Variants in DST observed in about 807,000 individuals in gnomAD.
The protein encoded by DST is dystonin.
A neutral mutation model predicts 875.2 loss-of-function variants in DST; 253 were observed. The ratio of observed to expected loss-of-function variants is 0.29; its 90% confidence interval spans 0.26 to 0.32. The LOEUF (loss-of-function observed/expected upper bound fraction) is 0.32, where lower values mean the gene tolerates loss of function less well. Among genes scored for constraint, DST ranks in the 10% least tolerant of loss-of-function variants. The pLI is 1.00. For synonymous variants in DST, 3,124 were observed against 3,197.1 expected, an observed-to-expected ratio of 0.98 and a Z score of 0.77; for missense variants, 8,287 against 9,111.6, an observed-to-expected ratio of 0.91 and a Z score of 3.68.
chr6:56,547,786 T>C (rs1225152181), intron 61 of DST, among the ~76,000 whole-genome samples: 1 of 152,232 alleles, frequency 6.6e-6, no homozygotes, highest in Non-Finnish European at 1.5e-5. Flanking sequence ...GTTTACCGAA[T>C]ATTAAAATAA....
intron 2 of DST, among the ~76,000 whole-genome samples, chr6:56,924,464 A>G (rs1805990280): frequency 6.6e-6 from 1 of 152,206 alleles, no homozygotes; most frequent in South Asian, 2.1e-4. Flanking sequence ...ATGTATATAC[A>G]TACACACACA....
intron 102 of DST, chr6:56,460,566 G>C (rs558213962): frequency 2.3e-5 from 5 of 213,886 alleles, no homozygotes; most frequent in African/African-American, 1.1e-4. Context: ...GAGTATGTTA[G>C]TATCTTTCAG....
At chr6:56,883,092 T>G (rs1782992058) in intron 3 of DST, among the ~76,000 whole-genome samples, 1 of 152,210 alleles carries the variant, frequency 6.6e-6, no homozygotes, top group Admixed American at 6.5e-5. Flanking sequence ...GGTCTCAAAC[T>G]CCTGACCTCA....
chr6:56,507,364 A>T (rs573342070), intron 75 of DST, among the ~76,000 whole-genome samples: 1 of 152,156 alleles, frequency 6.6e-6, no homozygotes, highest in Non-Finnish European at 1.5e-5. Context: ...CAAGCCCTAA[A>T]CCAGGCACTG....
rs1336801645 is a variant in DST, at chr6:56,651,234, T to A, written c.1225A>T (p.Ile409Leu). Residue 409 changes from isoleucine (I) to leucine (L), a missense_variant, in exon 11 of 104, where the codon ATA (isoleucine) becomes TTA (leucine). Coordinates refer to ENST00000680361, the MANE Select transcript of DST (RefSeq NM_001374736.1). ...AIIHKYRPDL[I>L]DMNTVAVQSN... ...TGAACAGCAACAGTATTCATATCTA[T>A]CAGGTCCGGCCTAGGAAAAAATTCA... The A allele has an allele frequency of 6.2e-7, 1 of 1,602,746 alleles. No individual in the cohort carries two copies. Among genetic ancestry groups the A allele is most frequent in the Non-Finnish European group, 8.5e-7 (1 of 1,173,658 alleles).
intron 4 of DST, among the ~76,000 whole-genome samples, chr6:56,840,078 AAGG>A (rs1324128410): frequency 1.3e-5 from 2 of 152,230 alleles, no homozygotes; most frequent in Non-Finnish European, 1.5e-5. Flanking sequence ...TTACATCTAT[AAGG>A]TATAGAATGA....
chr6:56,770,519 T>C (rs2099651580), intron 4 of DST, among the ~76,000 whole-genome samples: 1 of 152,206 alleles, frequency 6.6e-6, no homozygotes, highest in Non-Finnish European at 1.5e-5. Context: ...TTTCATTCCA[T>C]GCATCCACAT....
chr6:56,471,368 A>T, intron 94 of DST, 100 bp from the exon 95 acceptor site: 1 of 825,354 alleles, frequency 1.2e-6, no homozygotes, highest in Non-Finnish European at 1.8e-6. Flanking sequence ...GGTAGTACAC[A>T]TATCCTTCCC....
chr6:56,753,550 C>T (rs2099594173), intron 4 of DST, among the ~76,000 whole-genome samples: 1 of 152,148 alleles, frequency 6.6e-6, no homozygotes, highest in African/African-American at 2.4e-5. Context: ...ATGTTATGCA[C>T]CTAAGAGAAT....
chr6:56,933,963 A>C (rs991346524), intron 2 of DST, among the ~76,000 whole-genome samples: 3 of 152,164 alleles, frequency 2.0e-5, no homozygotes, highest in African/African-American at 4.8e-5. Context: ...GCCAATTCCT[A>C]CATTGTCTCT....
intron 50 of DST, 99 bp downstream of exon 50, chr6:56,578,715 C>A (rs2097913423): frequency 8.0e-7 from 1 of 1,255,010 alleles, no homozygotes; most frequent in African/African-American, 1.5e-5. Flanking sequence ...GCACATAGAA[C>A]ACAATCTATA....
intron 36 of DST, chr6:56,620,018 G>T: frequency 1.2e-6 from 2 of 1,613,862 alleles, no homozygotes; most frequent in South Asian, 2.2e-5. Context: ...CTGTGTGATC[G>T]GACACACTGG....
intron 4 of DST, among the ~76,000 whole-genome samples, chr6:56,840,895 G>T (rs181183489): frequency 6.6e-6 from 1 of 152,180 alleles, no homozygotes; most frequent in South Asian, 2.1e-4. Context: ...CTCAACAGCT[G>T]AGGCATATGA....
chr6:56,750,828 C>T (rs1388343693), intron 4 of DST, among the ~76,000 whole-genome samples: 2 of 152,150 alleles, frequency 1.3e-5, no homozygotes, highest in African/African-American at 4.8e-5. Context: ...ATAACCTTTC[C>T]AGAATTTGGC....
At chr6:56,535,662 T>C (rs4585566) in intron 62 of DST, among the ~76,000 whole-genome samples, 1,774 of 152,358 alleles carry the variant, frequency 0.012, 44 homozygotes, top group African/African-American at 0.041. Context: ...CTAATAAATA[T>C]CAGAGATAAT....
At chr6:56,854,096 C>T (rs1766660440) in intron 3 of DST, among the ~76,000 whole-genome samples, 1 of 151,922 alleles carries the variant, frequency 6.6e-6, no homozygotes, top group African/African-American at 2.4e-5. Flanking sequence ...CCATTTGAAC[C>T]CTGAAAATTG....
At chr6:56,916,776 T>TCA (rs1179291069) in intron 2 of DST, among the ~76,000 whole-genome samples, 2,982 of 71,300 alleles carry the variant, frequency 0.042, 29 homozygotes, top group Non-Finnish European at 0.058. Flanking sequence ...TCTCTCTCTC[T>TCA]CTCACACACA....
chr6:56,784,692 A>T (rs1350047966), intron 4 of DST, among the ~76,000 whole-genome samples: 1 of 152,158 alleles, frequency 6.6e-6, no homozygotes, highest in Non-Finnish European at 1.5e-5. Flanking sequence ...AGCTCGGAGT[A>T]GTTTGATCGT....
chr6:56,759,217 G>C (rs139567751), intron 4 of DST, among the ~76,000 whole-genome samples: 1 of 152,330 alleles, frequency 6.6e-6, no homozygotes, highest in East Asian at 1.9e-4. Flanking sequence ...CTGGGAGGCC[G>C]AAGTGGGCGG....
Sources: allele counts gnomAD v4.1 joint callset (sites outside exome capture counted in the v4.1 genomes callset), GRCh38; gene constraint gnomAD v4.1.1; transcripts MANE v1.5; gene names NCBI Gene and HGNC (gene_info 2026-07-23, HGNC 2026-07-21).